DLG2: variants seen among roughly 807,000 people sequenced by gnomAD.
DLG2 encodes disks large homolog 2.
In DLG2, 45 loss-of-function variants were observed where a neutral mutation model predicts 132.5. That is an observed-to-expected ratio of 0.34 (90% CI 0.27 to 0.44). The LOEUF (loss-of-function observed/expected upper bound fraction) is 0.44. Ranked by LOEUF, DLG2 falls within the 20% of genes least tolerant of loss-of-function variation. The probability of loss-of-function intolerance (pLI) is 1.00; values close to 1 mark genes in which losing one functional copy is unlikely to be tolerated. For synonymous variants in DLG2, 424 were observed against 419.6 expected (o/e 1.01, Z -0.13); for missense variants, 1,045 against 1,196.9 (o/e 0.87, Z 1.87).
intron 18 of DLG2, among the ~76,000 whole-genome samples, chr11:83,657,343 G>T (rs1346065454): frequency 6.6e-6 from 1 of 152,092 alleles, no homozygotes. Flanking sequence ...GTATCCATTA[G>T]TTGGTACATA....
At chr11:85,223,669 A>C (rs1459075443) in intron 4 of DLG2, among the ~76,000 whole-genome samples, 3 of 152,028 alleles carry the variant, frequency 2.0e-5, no homozygotes, top group African/African-American at 4.8e-5. Context: ...TTTTTAAAAG[A>C]AAGTCTAGAA....
chr11:85,111,884 T>C (rs1159750500), intron 5 of DLG2, 149 bp from the exon 6 acceptor site: 7 of 572,840 alleles, frequency 1.2e-5, no homozygotes, highest in Non-Finnish European at 2.0e-5. Flanking sequence ...TGCAGAAAAC[T>C]AGGTACATAA....
intron 17 of DLG2, among the ~76,000 whole-genome samples, chr11:83,802,954 T>C (rs1237686643): frequency 6.6e-6 from 1 of 152,104 alleles, no homozygotes; most frequent in Admixed American, 6.6e-5. Flanking sequence ...CTTAACAGTA[T>C]GTGAATATTT....
At chr11:84,519,474 A>G (rs1440819525) in intron 7 of DLG2, among the ~76,000 whole-genome samples, 1 of 152,206 alleles carries the variant, frequency 6.6e-6, no homozygotes, top group East Asian at 1.9e-4. Context: ...TTATGGCACT[A>G]ACTAATAAAC....
At chr11:83,800,947 CT>C (rs1212536102) in intron 17 of DLG2, among the ~76,000 whole-genome samples, 2 of 152,236 alleles carry the variant, frequency 1.3e-5, no homozygotes, top group Admixed American at 6.5e-5. Flanking sequence ...TTTACATTAA[CT>C]CCAGACTTGA....
At chr11:83,709,791 C>T (rs1385084413) in intron 18 of DLG2, among the ~76,000 whole-genome samples, 1 of 152,130 alleles carries the variant, frequency 6.6e-6, no homozygotes, top group African/African-American at 2.4e-5. Flanking sequence ...TGGAAAGTAA[C>T]AATGGCACTT....
At chr11:83,525,581 A>G (rs1050404879) in intron 21 of DLG2, among the ~76,000 whole-genome samples, 2 of 152,172 alleles carry the variant, frequency 1.3e-5, no homozygotes, top group Non-Finnish European at 2.9e-5. Context: ...TAAGAAAAGT[A>G]ATAACAAAGA....
intron 6 of DLG2, among the ~76,000 whole-genome samples, chr11:84,652,718 G>C (rs1181168135): frequency 6.6e-6 from 1 of 152,028 alleles, no homozygotes; most frequent in African/African-American, 2.4e-5. Context: ...AACTGCTATA[G>C]GTATTATTTC....
intron 18 of DLG2, among the ~76,000 whole-genome samples, chr11:83,667,776 G>A (rs1285978840): frequency 1.3e-5 from 2 of 151,850 alleles, no homozygotes; most frequent in African/African-American, 2.4e-5. Context: ...TCAGGAGATT[G>A]AGACCATCCT....
At chr11:83,644,387 T>C (rs78631268) in intron 18 of DLG2, among the ~76,000 whole-genome samples, 1,792 of 152,236 alleles carry the variant, frequency 0.012, 38 homozygotes, top group African/African-American at 0.04. Context: ...CAATTTTCAA[T>C]TGAGGTGAAA....
chr11:84,317,992 T>C (rs1407474138), intron 7 of DLG2, among the ~76,000 whole-genome samples: 1 of 152,208 alleles, frequency 6.6e-6, no homozygotes, highest in Non-Finnish European at 1.5e-5. Flanking sequence ...GGGCTTATTT[T>C]AAAACAGTAT....
chr11:84,300,186 C>A (rs2098136380), intron 7 of DLG2, among the ~76,000 whole-genome samples: 1 of 152,106 alleles, frequency 6.6e-6, no homozygotes, highest in African/African-American at 2.4e-5. Context: ...CCCATCTGAT[C>A]AGTCACATTG....
chr11:84,269,834 A>T (rs2154363258), intron 7 of DLG2, among the ~76,000 whole-genome samples: 1 of 152,320 alleles, frequency 6.6e-6, no homozygotes, highest in East Asian at 1.9e-4. Context: ...GATTGTTAGC[A>T]GTATAAGGAA....
At chr11:83,612,083 T>C (rs1375680223) in intron 19 of DLG2, among the ~76,000 whole-genome samples, 3 of 152,208 alleles carry the variant, frequency 2.0e-5, no homozygotes, top group African/African-American at 7.2e-5. Context: ...TGGATCCCCA[T>C]GGAGTGCTTA....
intron 7 of DLG2, among the ~76,000 whole-genome samples, chr11:84,270,514 A>G (rs17147112): frequency 0.11 from 16,424 of 152,238 alleles, 1,182 homozygotes; most frequent in Non-Finnish European, 0.15. Flanking sequence ...CCTTTCACCA[A>G]TATGAATTTT....
chr11:83,776,850 G>A (rs946307544), intron 18 of DLG2, among the ~76,000 whole-genome samples: 3 of 152,150 alleles, frequency 2.0e-5, no homozygotes, highest in African/African-American at 4.8e-5. Flanking sequence ...CCTTCTTGAC[G>A]CTCTCCTCTA....
intron 3 of DLG2, among the ~76,000 whole-genome samples, chr11:85,582,958 C>T (rs975243263): frequency 1.4e-5 from 2 of 146,088 alleles, no homozygotes; most frequent in African/African-American, 5.0e-5. Context: ...AGAGTTCTAA[C>T]CTTATGATTT....
intron 6 of DLG2, among the ~76,000 whole-genome samples, chr11:84,585,247 G>C (rs531631878): frequency 2.0e-5 from 3 of 152,196 alleles, no homozygotes; most frequent in South Asian, 4.2e-4. Context: ...CCTCATATAT[G>C]AGGTAGGTAC....
chr11:84,205,557 A>T (rs200412588), intron 8 of DLG2, among the ~76,000 whole-genome samples: 4 of 4,808 alleles, frequency 8.3e-4, no homozygotes, highest in Admixed American at 1.7e-3. Flanking sequence ...AATTAAATTA[A>T]AAAAAAAAAC....
Sources: gnomAD v4.1 joint callset for allele counts (sites outside exome capture counted in the v4.1 genomes callset) on GRCh38, gnomAD v4.1.1 for gene constraint, MANE v1.5 for transcripts, NCBI Gene and HGNC (gene_info 2026-07-23, HGNC 2026-07-21) for gene names.